Variants in PRKG1 observed in about 807,000 individuals in gnomAD.
PRKG1 encodes the protein cGMP-dependent protein kinase 1.
A neutral mutation model predicts 88.1 loss-of-function variants in PRKG1; 35 were observed. The ratio of observed to expected loss-of-function variants is 0.40; its 90% CI spans 0.30 to 0.53. The LOEUF (loss-of-function observed/expected upper bound fraction) is 0.53. Ranked by LOEUF, PRKG1 falls within the 20% of genes least tolerant of loss-of-function variation. The pLI, the probability that PRKG1 is intolerant of heterozygous loss-of-function variation, is 0.59. For missense variants in PRKG1, 540 were observed against 839.8 expected (o/e 0.64, Z 4.41); for synonymous variants, 303 against 292.5 (o/e 1.04, Z -0.37).
At chr10:51,566,989 T>C (rs1462553027) in intron 3 of PRKG1, among the ~76,000 whole-genome samples, 1 of 151,810 alleles carries the variant, frequency 6.6e-6, no homozygotes, top group East Asian at 1.9e-4. Context: ...GAGGTGATAA[T>C]ATGTTAATTA....
At chr10:52,276,932 T>C (rs1841886713) in intron 12 of PRKG1, among the ~76,000 whole-genome samples, 3 of 152,220 alleles carry the variant, frequency 2.0e-5, no homozygotes, top group African/African-American at 7.2e-5. Context: ...TGTGCATGCA[T>C]TGTATAGATT....
intron 17 of PRKG1, among the ~76,000 whole-genome samples, chr10:52,291,057 G>A (rs1232463622): frequency 2.9e-4 from 44 of 150,752 alleles, no homozygotes; most frequent in Admixed American, 2.9e-3. Context: ...TGAGTAGCTG[G>A]GATTGTAGGC....
chr10:51,370,514 G>GTA (rs1296928984), intron 2 of PRKG1, among the ~76,000 whole-genome samples: 2 of 148,710 alleles, frequency 1.3e-5, no homozygotes, highest in Admixed American at 1.3e-4. Context: ...GTGTGTGTAT[G>GTA]TGTGTGTGTG....
At chr10:51,086,121 A>T (rs1414335346) in intron 1 of PRKG1, among the ~76,000 whole-genome samples, 1 of 152,234 alleles carries the variant, frequency 6.6e-6, no homozygotes, top group East Asian at 1.9e-4. Context: ...TTTATGTAGC[A>T]CTGAATGGCA....
intron 3 of PRKG1, among the ~76,000 whole-genome samples, chr10:51,661,114 T>G (rs1301545138): frequency 6.6e-6 from 1 of 152,024 alleles, no homozygotes; most frequent in Non-Finnish European, 1.5e-5. Flanking sequence ...AAGAAAAGCC[T>G]AGATATAGGA....
At chr10:51,139,038 G>A (rs757091275) in intron 1 of PRKG1, among the ~76,000 whole-genome samples, 2 of 152,062 alleles carry the variant, frequency 1.3e-5, no homozygotes, top group Non-Finnish European at 2.9e-5. Context: ...CACAGTAAGC[G>A]TTGTAGACTT....
At chr10:51,422,289 AGGAT>A (rs1342362960) in intron 2 of PRKG1, among the ~76,000 whole-genome samples, 1 of 152,248 alleles carries the variant, frequency 6.6e-6, no homozygotes, top group African/African-American at 2.4e-5. Context: ...TAGTTAGGAA[AGGAT>A]GGCACTGTGA....
intron 8 of PRKG1, among the ~76,000 whole-genome samples, chr10:52,146,852 T>C (rs562593784): frequency 6.6e-6 from 1 of 152,210 alleles, no homozygotes; most frequent in Non-Finnish European, 1.5e-5. Context: ...AGAATCATTA[T>C]ACAGTTTACT....
chr10:51,781,820 C>A (rs891749606), intron 3 of PRKG1, among the ~76,000 whole-genome samples: 2 of 152,048 alleles, frequency 1.3e-5, no homozygotes, highest in African/African-American at 2.4e-5. Context: ...CTTTTACAAA[C>A]AAATCAAGTA....
At chr10:52,067,927 G>T (rs550362579) in intron 7 of PRKG1, among the ~76,000 whole-genome samples, 6 of 104,996 alleles carry the variant, frequency 5.7e-5, no homozygotes, top group African/African-American at 1.6e-4. Context: ...ACTTGAGGCC[G>T]GGCGCAGTGG....
At chr10:52,005,076 T>G (rs1844696970) in intron 5 of PRKG1, among the ~76,000 whole-genome samples, 1 of 152,158 alleles carries the variant, frequency 6.6e-6, no homozygotes, top group Non-Finnish European at 1.5e-5. Flanking sequence ...GTTACAGGAC[T>G]TTTGATAGGC....
intron 9 of PRKG1, 23 bp from the exon 10 acceptor site, chr10:52,251,546 AT>A: frequency 6.2e-7 from 1 of 1,604,740 alleles, no homozygotes; most frequent in Non-Finnish European, 8.5e-7. Flanking sequence ...AGAAATTTCC[AT>A]TTTTTCACAT....
chr10:51,992,528 C>A (rs1284037946), intron 5 of PRKG1, among the ~76,000 whole-genome samples: 2 of 152,050 alleles, frequency 1.3e-5, no homozygotes, highest in East Asian at 1.9e-4. Flanking sequence ...TTCATCTGAG[C>A]TTTATGTCTC....
chr10:51,955,359 C>T (rs1332300793), intron 5 of PRKG1, among the ~76,000 whole-genome samples: 1 of 151,996 alleles, frequency 6.6e-6, no homozygotes, highest in East Asian at 1.9e-4. Flanking sequence ...CGGAAAAAGA[C>T]CCATTATTTC....
chr10:52,110,614 A>C (rs1222908340), intron 7 of PRKG1, among the ~76,000 whole-genome samples: 1 of 152,058 alleles, frequency 6.6e-6, no homozygotes, highest in Non-Finnish European at 1.5e-5. Flanking sequence ...TTTCTGGGAG[A>C]TCCAGTTTGC....
intron 4 of PRKG1, among the ~76,000 whole-genome samples, chr10:51,809,072 C>A (rs1839384250): frequency 6.6e-6 from 1 of 152,150 alleles, no homozygotes; most frequent in Non-Finnish European, 1.5e-5. Flanking sequence ...TGCTAACAGG[C>A]AAGAGTTTTT....
chr10:51,686,881 G>A (rs1339952088), intron 3 of PRKG1, among the ~76,000 whole-genome samples: 2 of 152,020 alleles, frequency 1.3e-5, no homozygotes, highest in Non-Finnish European at 2.9e-5. Context: ...GATTACAGGT[G>A]CCCGCCATCA....
intron 3 of PRKG1, among the ~76,000 whole-genome samples, chr10:51,714,675 C>A (rs947232536): frequency 2.0e-5 from 3 of 152,154 alleles, no homozygotes; most frequent in African/African-American, 7.2e-5. Context: ...ATGGCCATGA[C>A]ACTTTCCTGT....
chr10:51,336,257 G>A (rs1201966896), intron 2 of PRKG1, among the ~76,000 whole-genome samples: 1 of 152,048 alleles, frequency 6.6e-6, no homozygotes, highest in East Asian at 1.9e-4. Flanking sequence ...GGAGGCTGAC[G>A]CAGGAGAATC....
Sources: gnomAD v4.1 joint callset for allele counts (sites outside exome capture counted in the v4.1 genomes callset) on GRCh38, gnomAD v4.1.1 for gene constraint, MANE v1.5 for transcripts, NCBI Gene and HGNC (gene_info 2026-07-23, HGNC 2026-07-21) for gene names.